The following NRG1 variants were observed in gnomAD, a reference collection of about 807,000 sequenced individuals.
NRG1 encodes the protein neuregulin 1.
NRG1 carries 18 observed loss-of-function variants against 63.8 expected under a neutral mutation model. The observed-to-expected ratio is 0.28, with a 90% CI of 0.19 to 0.42. NRG1 has a LOEUF of 0.42. Ranked by LOEUF, NRG1 falls within the 10% of genes least tolerant of loss-of-function variation. The pLI is 1.00. For missense variants in NRG1, 762 were observed against 814.7 expected, an observed-to-expected ratio of 0.94 and a Z score of 0.79; for synonymous variants, 302 against 301.3, an observed-to-expected ratio of 1.00 and a Z score of -0.02.
chr8:32,053,588 C>T (rs147426674), intron 1 of NRG1, among the ~76,000 whole-genome samples: 71 of 152,246 alleles, frequency 4.7e-4, no homozygotes, highest in Middle Eastern at 6.8e-3. Flanking sequence ...GTTTAGTTAT[C>T]AAACATGTCA....
At chr8:32,609,566 CCT>C (rs1201025925) in intron 3 of NRG1, among the ~76,000 whole-genome samples, 14 of 106,966 alleles carry the variant, frequency 1.3e-4, no homozygotes, top group African/African-American at 6.5e-4. Flanking sequence ...TTCCTTCCTT[CCT>C]TCCTTCCTTC....
chr8:32,369,336 C>G (rs1292761983), intron 1 of NRG1, among the ~76,000 whole-genome samples: 1 of 152,236 alleles, frequency 6.6e-6, no homozygotes, highest in African/African-American at 2.4e-5. Context: ...TCTTGCCACA[C>G]TCAAATCTCA....
intron 1 of NRG1, among the ~76,000 whole-genome samples, chr8:31,813,521 T>TTTTCTTTTCTTTTCTTTTCTTTTCTTTTC (rs1267961663): frequency 4.5e-5 from 1 of 22,254 alleles, no homozygotes; most frequent in Non-Finnish European, 1.4e-4. Context: ...CTTTTCTTTT[T>TTTTCTTTTCTTTTCTTTTCTTTTCTTTTC]TTTTTTTTTT....
chr8:32,316,588 GAGA>G (rs1351679669), intron 1 of NRG1, among the ~76,000 whole-genome samples: 1 of 152,044 alleles, frequency 6.6e-6, no homozygotes, highest in Non-Finnish European at 1.5e-5. Context: ...GAACTTGGAG[GAGA>G]CAGCAGCTCC....
intron 1 of NRG1, among the ~76,000 whole-genome samples, chr8:32,063,795 A>C (rs1824283944): frequency 6.6e-6 from 1 of 152,122 alleles, no homozygotes; most frequent in Non-Finnish European, 1.5e-5. Flanking sequence ...CATATCACCT[A>C]CCCTACAACT....
chr8:32,344,418 CATGTGTGTGTGTGTGTGTGT>C (rs1311162898), intron 1 of NRG1, among the ~76,000 whole-genome samples: 3 of 92,446 alleles, frequency 3.2e-5, no homozygotes, highest in African/African-American at 9.8e-5. Context: ...TGCGTGCATG[CATGTGTGTGTGTGTGTGTGT>C]GTGTGTGTGT....
chr8:32,047,737 CAT>C (rs756274118), intron 1 of NRG1, among the ~76,000 whole-genome samples: 36 of 151,870 alleles, frequency 2.4e-4, no homozygotes, highest in Admixed American at 1.1e-3. Context: ...ATCAAATTAA[CAT>C]ATGTATTACA....
intron 6 of NRG1, among the ~76,000 whole-genome samples, chr8:32,738,380 G>A (rs190000761): frequency 6.6e-6 from 1 of 151,540 alleles, no homozygotes; most frequent in East Asian, 1.9e-4. Flanking sequence ...TAAAAACCCT[G>A]ATTTCCATCT....
At chr8:31,685,498 T>A (rs1808792000) in intron 1 of NRG1, among the ~76,000 whole-genome samples, 1 of 152,182 alleles carries the variant, frequency 6.6e-6, no homozygotes, top group Non-Finnish European at 1.5e-5. Flanking sequence ...TTAAACAGCT[T>A]TATTGAGATA....
chr8:31,935,998 C>T (rs886539558), intron 1 of NRG1, among the ~76,000 whole-genome samples: 8 of 151,782 alleles, frequency 5.3e-5, no homozygotes, highest in Admixed American at 5.2e-4. Context: ...AGTAAGTGAG[C>T]AGGAAACACA....
chr8:32,337,849 C>T (rs1803522812), intron 1 of NRG1, among the ~76,000 whole-genome samples: 1 of 152,006 alleles, frequency 6.6e-6, no homozygotes, highest in East Asian at 1.9e-4. Flanking sequence ...CACCATTCAT[C>T]ATCTCAGAAA....
intron 1 of NRG1, among the ~76,000 whole-genome samples, chr8:32,259,163 C>G (rs1051529174): frequency 6.6e-6 from 1 of 152,072 alleles, no homozygotes; most frequent in Non-Finnish European, 1.5e-5. Context: ...ATGAGAAAAA[C>G]CAAGTAAGTT....
chr8:32,464,279 AC>A (rs144963557), intron 1 of NRG1, among the ~76,000 whole-genome samples: 87 of 86,656 alleles, frequency 1.0e-3, no homozygotes, highest in Admixed American at 3.4e-3. Flanking sequence ...ACTTATCCCC[AC>A]CCCCCCCCAC....
intron 1 of NRG1, among the ~76,000 whole-genome samples, chr8:32,183,312 C>T (rs1841627521): frequency 6.6e-6 from 1 of 152,176 alleles, no homozygotes; most frequent in African/African-American, 2.4e-5. Context: ...TTTCTATGCT[C>T]CCAAGGACTT....
chr8:32,536,394 G>A (rs1267970811), intron 1 of NRG1, among the ~76,000 whole-genome samples: 1 of 152,138 alleles, frequency 6.6e-6, no homozygotes, highest in Non-Finnish European at 1.5e-5. Context: ...CTTCTTCAAA[G>A]CCAATAGGAG....
intron 5 of NRG1, among the ~76,000 whole-genome samples, chr8:32,638,726 T>C (rs1366461888): frequency 6.6e-6 from 1 of 152,206 alleles, no homozygotes; most frequent in Non-Finnish European, 1.5e-5. Flanking sequence ...CATAAGATAT[T>C]TTTATCTTAT....
chr8:32,465,711 A>G (rs929406443), intron 1 of NRG1, among the ~76,000 whole-genome samples: 2 of 151,726 alleles, frequency 1.3e-5, no homozygotes, highest in Non-Finnish European at 2.9e-5. Flanking sequence ...TATACAAAGC[A>G]TTTTCTGAAG....
intron 1 of NRG1, among the ~76,000 whole-genome samples, chr8:32,290,350 T>G (rs991690834): frequency 6.6e-6 from 1 of 152,008 alleles, no homozygotes; most frequent in Non-Finnish European, 1.5e-5. Flanking sequence ...ATTATATATA[T>G]ATACATATAT....
At chr8:32,647,864 T>C in intron 5 of NRG1, 4 of 1,614,082 alleles carry the variant, frequency 2.5e-6, no homozygotes, top group Non-Finnish European at 3.4e-6. Flanking sequence ...GGAGAACCCC[T>C]GGACTCGTGG....
Sources: gnomAD v4.1 joint callset for allele counts (sites outside exome capture counted in the v4.1 genomes callset) on GRCh38, gnomAD v4.1.1 for gene constraint, MANE v1.5 for transcripts, NCBI Gene and HGNC (gene_info 2026-07-23, HGNC 2026-07-21) for gene names.